The following KRT76 variants were observed in gnomAD, a reference collection of about 807,000 sequenced individuals.
The protein encoded by KRT76 is keratin 76, also known as keratin, type II cytoskeletal 2 oral.
KRT76 carries 47 observed loss-of-function variants against 44.9 expected under a neutral mutation model. The ratio of observed to expected loss-of-function variants is 1.05; its 90% CI spans 0.83 to 1.33. The LOEUF (loss-of-function observed/expected upper bound fraction) is 1.33. KRT76 is among the 40% of genes most tolerant of loss of function. KRT76 has a pLI of 0.00. For missense variants in KRT76, 860 were observed against 775.8 expected (o/e 1.11, Z -1.29); for synonymous variants, 331 against 294.1 (o/e 1.13, Z -1.28).
chr12:52,771,290 TC>T, intron 6 of KRT76, 71 bp from the exon 7 acceptor site: 2 of 1,378,292 alleles, frequency 1.5e-6, no homozygotes, highest in Admixed American at 1.7e-5. Context: ...GTAGATCTCT[TC>T]CCCCACATCC....
At position 52,769,029 on chromosome 12, in the gene KRT76, C is replaced by T. The variant is rs544304535; in HGVS notation, c.1601G>A (p.Ser534Asn). ...GVFGGVSGSG[S>N]GGYKGGSSSS... ...GCTGCTGCCGCCTTTGTAGCCACCA[C>T]TGCCACTGCCACTGACCCCTCCAAA... Residue 534 changes from serine to asparagine, a missense_variant, in exon 9 of 9, where the codon AGT becomes AAT. Ser to Asn is a conservative substitution (Grantham distance 46). Transcript: ENST00000332411. 2.1e-5 allele frequency: 16 copies of T among 771,820 alleles called. No individual in the cohort carries two copies. The East Asian group carries it at 4.3e-4, about 21-fold the overall frequency. The allele number at this position is 771,820 out of a possible 1,614,324, so 47.8% of individuals were successfully genotyped here. A position where few individuals can be genotyped will look rare whatever the true frequency, so the allele number is the denominator to read the frequency against.
Position 52,776,726 on chromosome 12 carries a change from G to T in KRT76, c.566C>A (p.Thr189Asn). The T allele has an allele frequency of 6.2e-7, 1 of 1,614,108 alleles. No homozygotes were observed. The highest frequency in any genetic ancestry group is 8.5e-7 in the Non-Finnish European group (1 of 1,180,040). The change falls in exon 1 of 9, where the codon ACC becomes AAC. Residue 189 changes from threonine to asparagine, a missense_variant. Thr to Asn is a moderately conservative substitution (Grantham distance 65). Coordinates refer to ENST00000332411, the MANE Select transcript of KRT76 (RefSeq NM_015848.4). Reference sequence around the variant, plus strand: ...GAAGGAGGCAAACTTGTTGTTGAGGGTCTTGATCTGTTCCCGCTCCTGGGC... The same window carrying T: ...GAAGGAGGCAAACTTGTTGTTGAGGTTCTTGATCTGTTCCCGCTCCTGGGC... ...VKAQEREQIK[T>N]LNNKFASFID...
At chr12:52,772,601 G>A (rs1189192317) in intron 4 of KRT76, among the ~76,000 whole-genome samples, 182 bp downstream of exon 4, 2 of 152,190 alleles carry the variant, frequency 1.3e-5, no homozygotes, top group Admixed American at 6.5e-5. Flanking sequence ...ATGGCCTGAG[G>A]ACCTGTGGGC....
In KRT76 at chr12:52,776,851, G is replaced by C. The variant is rs1191345663; in HGVS notation, c.441C>G (p.Gly147=). 6.2e-7 allele frequency: 1 copy of C among 1,613,184 alleles called. No individual in the cohort carries two copies. The highest frequency in any genetic ancestry group is 1.3e-5 in the African/African-American group (1 of 74,938). ...PGSFGGPGGF[G]PGGFPGGIQE... is the part of the protein sequence containing the mutation. ...GAATTCCCCCAGGAAAGCCCCCAGG[G>C]CCAAAGCCACCAGGACCACCAAAGC... The change falls in exon 1 of 9, where the codon GGC becomes GGG. Residue 147 remains glycine (G), a synonymous_variant. Transcript: ENST00000332411.
intron 2 of KRT76, 49 bp downstream of exon 2, chr12:52,775,339 C>T (rs898355020): frequency 6.5e-7 from 1 of 1,547,638 alleles, no homozygotes; most frequent in Non-Finnish European, 8.9e-7. Flanking sequence ...AGGACCACAC[C>T]TCCCTGCTAA....
chr12:52,773,637 T>C lies in KRT76; in HGVS notation c.821A>G (p.Glu274Gly). ...GGCAGTGCGTTTGTTGATTTCATCT[T>C]CATACCTGGAACAAGAAGAGGCACA... ...DLVEDFKKKY[E>G]DEINKRTAAE... The change falls in exon 3 of 9, where the codon GAA becomes GGA. Residue 274 changes from glutamate to glycine, a missense_variant. By Grantham distance (98) the Glu-to-Gly change is moderately conservative. Coordinates refer to ENST00000332411, the MANE Select transcript of KRT76 (RefSeq NM_015848.4). 1 of 1,612,966 alleles carries C rather than the reference T, an allele frequency of 6.2e-7. No homozygotes were observed. The highest frequency in any genetic ancestry group is 8.5e-7 in the Non-Finnish European group (1 of 1,179,160).
chr12:52,769,641 G>A, intron 7 of KRT76, 58 bp from the exon 8 acceptor site: 2 of 1,517,584 alleles, frequency 1.3e-6, no homozygotes, highest in East Asian at 2.3e-5. Flanking sequence ...CCAAAGAGTT[G>A]AGAGTTCACA....
At chr12:52,773,282 G>A (rs572802834) in intron 3 of KRT76, among the ~76,000 whole-genome samples, 33 of 152,278 alleles carry the variant, frequency 2.2e-4, no homozygotes, top group African/African-American at 7.2e-4. Context: ...GTTATTAATA[G>A]CATCTGGAGT....
rs1592295077 is a variant in KRT76, at chr12:52,775,386, A to C, written c.815+2T>G. On this transcript the variant is annotated splice_donor_variant, in intron 2 of 8. Transcript: ENST00000332411. LOFTEE classifies it high-confidence loss of function. ...GGGAAACTTCCCAGGAGGAGCCCTC[A>C]CTTCTTTTTGAAGTCTTCCACCAGG... 6.2e-7 allele frequency: 1 copy of C among 1,613,812 alleles called. No homozygotes were observed. Among genetic ancestry groups the C allele is most frequent in the African/African-American group, 1.3e-5 (1 of 74,938 alleles).
rs771569720 is a variant in KRT76, at chr12:52,770,998, C to T, written c.1484+1G>A. 2.9e-5 allele frequency: 47 copies of T among 1,614,056 alleles called. No individual in the cohort carries two copies. The highest frequency in any genetic ancestry group is 2.6e-5 in the Non-Finnish European group (31 of 1,180,044). On this transcript the variant is annotated splice_donor_variant, in intron 7 of 8. Coordinates refer to ENST00000332411, the MANE Select transcript of KRT76 (RefSeq NM_015848.4). LOFTEE classifies it high-confidence loss of function. ...AGAATGGTGATCCCATGGCCCCTCA[C>T]CTGCACTCCTCTCCCTCCAGCAGCT...
rs1486340050 is a variant in KRT76, at chr12:52,772,190, G to C, written c.1041C>G (p.Cys347Trp). ...SVVLSMDNNR[C>W]LDLGSIIAEV... is the part of the protein sequence containing the mutation. ...CGGCAATGATGCTGCCCAGGTCCAG[G>C]CAGCGGTTGTTGTCCATGGACAGAA... The change falls in exon 5 of 9, where the codon TGC (cysteine) becomes TGG (tryptophan). Residue 347 changes from cysteine (C) to tryptophan (W), a missense_variant. Coordinates refer to ENST00000332411, the MANE Select transcript of KRT76 (RefSeq NM_015848.4). 2.5e-5 allele frequency: 41 copies of C among 1,613,510 alleles called. No individual in the cohort carries two copies. Among genetic ancestry groups the C allele is most frequent in the Non-Finnish European group, 3.3e-5 (39 of 1,179,716 alleles).
chr12:52,773,275 A>G (rs908786564), intron 3 of KRT76, among the ~76,000 whole-genome samples: 1 of 152,174 alleles, frequency 6.6e-6, no homozygotes, highest in Non-Finnish European at 1.5e-5. Context: ...GTTGATTGTT[A>G]TTAATAGCAT....
chr12:52,772,363 G>A (rs991683957), intron 4 of KRT76, 105 bp from the exon 5 acceptor site: 5 of 1,163,118 alleles, frequency 4.3e-6, no homozygotes, highest in Non-Finnish European at 5.9e-6. Flanking sequence ...AGGTGGATCA[G>A]TTGGAAAAAT....
rs1939247819 is a variant in KRT76 at position 52,775,481 on chromosome 12, A to G, written c.722T>C (p.Leu241Pro). ...TAGAAGTGAATCTAGCTGCTTGCAT[A>G]GGAAGCTGATGTAGGATTCAAAACA... is the stretch of plus-strand genomic sequence containing the variant. ...EPCFESYISF[L>P]CKQLDSLLGE... is the part of the protein sequence containing the mutation. The change falls in exon 2 of 9, where the codon CTA becomes CCA. Residue 241 changes from leucine (L) to proline (P), a missense_variant. Coordinates refer to ENST00000332411, the MANE Select transcript of KRT76 (RefSeq NM_015848.4). 3 of 1,614,180 alleles carry G rather than the reference A, an allele frequency of 1.9e-6. No individual in the cohort carries two copies. The East Asian group carries it at 6.7e-5, about 36-fold the overall frequency.
intron 5 of KRT76, 26 bp downstream of exon 5, chr12:52,772,068 T>C: frequency 6.2e-7 from 1 of 1,607,012 alleles, no homozygotes. Context: ...GTCATCAGGA[T>C]CCAAGGACAC....
intron 5 of KRT76, 40 bp downstream of exon 5, chr12:52,772,054 G>A (rs1939191476): frequency 6.2e-7 from 1 of 1,607,672 alleles, no homozygotes; most frequent in Non-Finnish European, 8.5e-7. Context: ...CATTCTCAAT[G>A]AAGGTCATCA....
At position 52,775,512 on chromosome 12, in the gene KRT76, C is replaced by T. The variant is rs143290453; in HGVS notation, c.691G>A (p.Glu231Lys). The T allele has an allele frequency of 2.2e-5, 36 of 1,614,176 alleles. No homozygotes were observed. In the African/African-American group the frequency reaches 4.4e-4, roughly 20 times the overall value. ...CTGATGTAGGATTCAAAACAAGGCT[C>T]CAGGCTGCTGGGCCCTGAGCCTGTG... ...QTTGSGPSSL[E>K]PCFESYISFL... The change falls in exon 2 of 9, where the codon GAG (glutamate) becomes AAG (lysine). Residue 231 changes from glutamate to lysine, a missense_variant. Physicochemically the swap from Glu to Lys is moderately conservative, Grantham distance 56. Transcript: ENST00000332411.
chr12:52,775,175 G>A (rs559969466), intron 2 of KRT76, among the ~76,000 whole-genome samples: 2 of 152,306 alleles, frequency 1.3e-5, no homozygotes, highest in Non-Finnish European at 2.9e-5. Flanking sequence ...GGAATAGGAG[G>A]GGGCCCATCT....
Position 52,772,129 on chromosome 12 carries a change from TC to T in KRT76, c.1101del (p.Ser368AlafsTer27). The T allele has an allele frequency of 6.2e-7, 1 of 1,612,940 alleles. No homozygotes were observed. Among genetic ancestry groups the T allele is most frequent in the East Asian group, 2.2e-5 (1 of 44,884 alleles). On this transcript the variant is annotated frameshift_variant, in exon 5 of 9. Coordinates refer to ENST00000332411, the MANE Select transcript of KRT76 (RefSeq NM_015848.4). LOFTEE classifies it high-confidence loss of function. ...TACAGGGCCTCAGCTTCAGACTTGC[TC>T]CTCTGGGCAATCTCCTCATACTGGG... ...VRAQYEEIAQ[R>X]SKSEAEALYQ... is the part of the protein sequence containing the mutation.
Sources: gnomAD v4.1 joint callset for allele counts (sites outside exome capture counted in the v4.1 genomes callset) on GRCh38, gnomAD v4.1.1 for gene constraint, MANE v1.5 for transcripts, NCBI Gene and HGNC (gene_info 2026-07-23, HGNC 2026-07-21) for gene names.